ACBD6: variants seen among roughly 807,000 people sequenced by gnomAD.
ACBD6 encodes the protein acyl-CoA-binding domain-containing protein 6.
ACBD6 carries 28 observed loss-of-function variants against 37.2 expected under a neutral mutation model. That is an observed-to-expected ratio of 0.75 (90% CI 0.56 to 1.03). The LOEUF (loss-of-function observed/expected upper bound fraction) is 1.03. ACBD6 is among the 50% of genes least tolerant of loss of function. The pLI, the probability that ACBD6 is intolerant of heterozygous loss-of-function variation, is 0.00. For synonymous variants in ACBD6, 113 were observed against 126.8 expected, an observed-to-expected ratio of 0.89 and a Z score of 0.73; for missense variants, 340 against 337.4, an observed-to-expected ratio of 1.01 and a Z score of -0.06.
intron 6 of ACBD6, among the ~76,000 whole-genome samples, chr1:180,360,547 C>T (rs1652806062): frequency 6.6e-6 from 1 of 151,994 alleles, no homozygotes. Flanking sequence ...TGGGGTGGGG[C>T]CCAGCAATTT....
intron 4 of ACBD6, among the ~76,000 whole-genome samples, chr1:180,425,665 C>T (rs1473887423): frequency 6.6e-6 from 1 of 152,076 alleles, no homozygotes; most frequent in Non-Finnish European, 1.5e-5. Context: ...AAACAGGCTG[C>T]AATGTAACAA....
intron 6 of ACBD6, among the ~76,000 whole-genome samples, chr1:180,349,654 G>C (rs1652331373): frequency 1.3e-5 from 2 of 152,016 alleles, no homozygotes; most frequent in Non-Finnish European, 2.9e-5. Context: ...TTTAAAAATG[G>C]ATTTAATTTT....
chr1:180,453,646 C>A (rs1284307777), intron 3 of ACBD6, among the ~76,000 whole-genome samples: 1 of 152,164 alleles, frequency 6.6e-6, no homozygotes. Flanking sequence ...ATTTAGAAAA[C>A]CCCATTGTCA....
chr1:180,371,344 G>T (rs1015115707), intron 6 of ACBD6, among the ~76,000 whole-genome samples: 1 of 152,056 alleles, frequency 6.6e-6, no homozygotes, highest in Non-Finnish European at 1.5e-5. Context: ...TCACACGAAT[G>T]AATCAGTTTA....
intron 3 of ACBD6, among the ~76,000 whole-genome samples, chr1:180,441,270 T>C (rs1649270616): frequency 1.3e-5 from 2 of 152,314 alleles, no homozygotes; most frequent in South Asian, 4.1e-4. Flanking sequence ...CAACTGACCA[T>C]AAACTTGAGA....
chr1:180,452,943 G>C (rs12075249), intron 3 of ACBD6, among the ~76,000 whole-genome samples: 17,084 of 152,120 alleles, frequency 0.11, 1,435 homozygotes, highest in African/African-American at 0.23. Flanking sequence ...ACCAAAAAAG[G>C]CCAGAACCAG....
chr1:180,411,074 G>C (rs1181671694), intron 5 of ACBD6, among the ~76,000 whole-genome samples: 3 of 152,192 alleles, frequency 2.0e-5, no homozygotes. Context: ...ACTTGCAGAT[G>C]TAACTGCAAG....
chr1:180,311,586 C>A (rs965880172), intron 7 of ACBD6, among the ~76,000 whole-genome samples: 1 of 152,080 alleles, frequency 6.6e-6, no homozygotes, highest in Non-Finnish European at 1.5e-5. Context: ...CATATTTGCC[C>A]AGGACAGCCT....
At chr1:180,372,572 T>C (rs1021036345) in intron 6 of ACBD6, among the ~76,000 whole-genome samples, 1 of 152,160 alleles carries the variant, frequency 6.6e-6, no homozygotes, top group African/African-American at 2.4e-5. Context: ...GAATTATTAG[T>C]GGGAAAGTTA....
intron 3 of ACBD6, among the ~76,000 whole-genome samples, chr1:180,453,185 G>T (rs926212542): frequency 6.6e-6 from 1 of 152,098 alleles, no homozygotes; most frequent in Non-Finnish European, 1.5e-5. Flanking sequence ...CTAGCAAATC[G>T]AATCCAGCAG....
downstream of ACBD6, among the ~76,000 whole-genome samples, chr1:180,287,959 T>C (rs1649558105): frequency 6.6e-6 from 1 of 152,190 alleles, no homozygotes; most frequent in African/African-American, 2.4e-5. Flanking sequence ...TACAAAATGC[T>C]ACAAAAGATA....
intron 6 of ACBD6, among the ~76,000 whole-genome samples, chr1:180,385,025 GA>G (rs1370502877): frequency 2.6e-5 from 4 of 152,148 alleles, no homozygotes; most frequent in African/African-American, 9.7e-5. Flanking sequence ...AGGTAGTGAT[GA>G]AAAGAGTTTG....
intron 6 of ACBD6, among the ~76,000 whole-genome samples, chr1:180,364,796 C>T (rs892131824): frequency 4.7e-5 from 7 of 149,430 alleles, no homozygotes; most frequent in Non-Finnish European, 7.4e-5. Context: ...TACAGTAGCG[C>T]GATCTTGGCT....
At chr1:180,285,057 G>A (rs969213582), downstream of ACBD6, among the ~76,000 whole-genome samples, 13 of 152,078 alleles carry the variant, frequency 8.5e-5, no homozygotes, top group Non-Finnish European at 1.6e-4. Context: ...GATTGCTTGA[G>A]CCAGGGAAGT....
chr1:180,307,049 G>C (rs150153546), intron 7 of ACBD6, among the ~76,000 whole-genome samples: 1 of 152,192 alleles, frequency 6.6e-6, no homozygotes, highest in African/African-American at 2.4e-5. Flanking sequence ...AGAGATATCT[G>C]CACTGCCATG....
Position 180,337,265 on chromosome 1 carries a change from A to G in ACBD6, c.664-22543T>C, listed in dbSNP as rs1333629974. ...TGCAAAAATCCTCAATAAAATACTGAAAAACCGAATCCAGCAGCACATCAA... is the reference window on the plus strand; with the variant it reads ...TGCAAAAATCCTCAATAAAATACTGGAAAACCGAATCCAGCAGCACATCAA... On this transcript the variant is annotated intron_variant, in intron 6 of 7. Coordinates refer to ENST00000367595, the MANE Select transcript of ACBD6 (RefSeq NM_032360.4). 4.8e-3 allele frequency among the ~76,000 whole-genome samples: 737 copies of G among 152,016 alleles called. 4 individuals are homozygous for G. The highest frequency in any genetic ancestry group is 0.017 in the African/African-American group (697 of 41,304).
intron 2 of ACBD6, among the ~76,000 whole-genome samples, chr1:180,493,547 ATATC>A (rs1279554142): frequency 6.6e-6 from 1 of 152,140 alleles, no homozygotes; most frequent in African/African-American, 2.4e-5. Context: ...GATGAATATA[ATATC>A]TTTCTGAGGT....
intron 3 of ACBD6, among the ~76,000 whole-genome samples, chr1:180,479,216 T>C (rs1436256825): frequency 6.6e-6 from 1 of 152,178 alleles, no homozygotes; most frequent in Non-Finnish European, 1.5e-5. Flanking sequence ...TGCAGCACTA[T>C]TCACAATGGC....
intron 7 of ACBD6, among the ~76,000 whole-genome samples, chr1:180,296,853 G>A (rs548984076): frequency 6.6e-5 from 10 of 152,044 alleles, no homozygotes; most frequent in South Asian, 2.1e-4. Flanking sequence ...TCAGCCAGGC[G>A]CAGTGGCTCA....
Sources: gnomAD v4.1 joint callset for allele counts (sites outside exome capture counted in the v4.1 genomes callset) on GRCh38, gnomAD v4.1.1 for gene constraint, MANE v1.5 for transcripts, NCBI Gene and HGNC (gene_info 2026-07-23, HGNC 2026-07-21) for gene names.